The following ACACA variants were observed in gnomAD, a reference collection of about 807,000 sequenced individuals.
ACACA encodes the protein acetyl-CoA carboxylase 1.
ACACA carries 103 observed loss-of-function variants against 296.1 expected under a neutral mutation model. The ratio of observed to expected loss-of-function variants is 0.35; its 90% CI spans 0.30 to 0.41. The LOEUF (loss-of-function observed/expected upper bound fraction) is 0.41. Among genes scored for constraint, ACACA ranks in the 10% least tolerant of loss-of-function variants. ACACA has a pLI of 1.00. For synonymous variants in ACACA, 953 were observed against 1,038.6 expected, an observed-to-expected ratio of 0.92 and a Z score of 1.58; for missense variants, 1,554 against 2,989.7, an observed-to-expected ratio of 0.52 and a Z score of 11.20.
Position 37,306,861 on chromosome 17 carries a change from AT to A in ACACA, c.339-21892del, listed in dbSNP as rs569262099. Among the ~76,000 whole-genome samples the A allele has an allele frequency of 2.0e-5, 3 of 151,618 alleles. No homozygotes were observed. In the South Asian group the frequency reaches 6.3e-4, roughly 32 times the overall value. ...AGGTAAGCACCACCACACCCAGGTAATTTTTTTTGTATTTTTACTAGAGATG... is the reference window on the plus strand; with the variant it reads ...AGGTAAGCACCACCACACCCAGGTAATTTTTTTGTATTTTTACTAGAGATG... On this transcript the variant is annotated intron_variant, in intron 3 of 55. Transcript: ENST00000616317.
At position 37,391,513 on chromosome 17, in the gene ACACA, G is replaced by A. The variant is rs1345460895; in HGVS notation, c.38+14749C>T. 9 of 749,320 alleles carry A rather than the reference G, an allele frequency of 1.2e-5. No individual in the cohort carries two copies. In the East Asian group the frequency reaches 1.5e-4, roughly 12 times the overall value. The allele number at this position is 749,320 out of a possible 1,614,324, so 46.4% of individuals were successfully genotyped here. A position where few individuals can be genotyped will look rare whatever the true frequency, so the allele number is the denominator to read the frequency against. ...ATCATACTTTCTCAGTGTAATTATC[G>A]ATTAACAAAGAGGCAAAATGAAGTG... On this transcript the variant is annotated intron_variant, in intron 1 of 55. Transcript: ENST00000616317.
chr17:37,257,041 A>AG (rs2081259390), intron 14 of ACACA, among the ~76,000 whole-genome samples: 1 of 152,160 alleles, frequency 6.6e-6, no homozygotes, highest in African/African-American at 2.4e-5. Context: ...CCTATGTTTT[A>AG]GGCAAGCAAA....
chr17:37,206,103 A>T (rs1279494756), intron 32 of ACACA, among the ~76,000 whole-genome samples: 2 of 152,210 alleles, frequency 1.3e-5, no homozygotes, highest in African/African-American at 4.8e-5. Flanking sequence ...GGCATTAGTA[A>T]CAGGTGGCCC....
chr17:37,368,934 A>G (rs1207801158), intron 1 of ACACA, among the ~76,000 whole-genome samples: 3 of 152,320 alleles, frequency 2.0e-5, no homozygotes, highest in South Asian at 4.1e-4. Flanking sequence ...TACATACCCT[A>G]CATACCCTAT....
intron 45 of ACACA, chr17:37,143,738 TCTTC>T: frequency 1.1e-6 from 1 of 914,624 alleles, no homozygotes; most frequent in Non-Finnish European, 1.8e-6. Flanking sequence ...ATCTTCCTCA[TCTTC>T]CTTGTTTTTC....
At chr17:37,141,389 TCCACGG>T in intron 45 of ACACA, 1 of 331,310 alleles carries the variant, frequency 3.0e-6, no homozygotes, top group South Asian at 2.9e-5. Flanking sequence ...TGCCAAAGGT[TCCACGG>T]TTCCCCATCT....
At chr17:37,161,447 T>C (rs571084729) in intron 42 of ACACA, among the ~76,000 whole-genome samples, 19 of 152,326 alleles carry the variant, frequency 1.2e-4, no homozygotes, top group East Asian at 1.2e-3. Flanking sequence ...TTGTTGATAA[T>C]TGACCGTAAG....
chr17:37,321,898 C>T (rs1175287841), intron 3 of ACACA, among the ~76,000 whole-genome samples: 5 of 148,386 alleles, frequency 3.4e-5, no homozygotes, highest in African/African-American at 1.0e-4. Flanking sequence ...AAGCCGAGAT[C>T]GTGCCACTGC....
At chr17:37,331,191 C>G (rs1344122883) in intron 2 of ACACA, among the ~76,000 whole-genome samples, 1 of 151,678 alleles carries the variant, frequency 6.6e-6, no homozygotes, top group African/African-American at 2.4e-5. Flanking sequence ...GACTGCCACT[C>G]ACTGCAAGCT....
chr17:37,173,275 A>G (rs1441435121), intron 41 of ACACA, among the ~76,000 whole-genome samples: 1 of 152,200 alleles, frequency 6.6e-6, no homozygotes, highest in African/African-American at 2.4e-5. Context: ...AACCCAAGCA[A>G]TTCCTTTGAG....
intron 1 of ACACA, among the ~76,000 whole-genome samples, chr17:37,390,254 TATATATAATTATATATA>T (rs1224588021): frequency 3.0e-4 from 9 of 30,018 alleles, no homozygotes; most frequent in South Asian, 2.4e-3. Flanking sequence ...ATATATATAT[TATATATAATTATATATA>T]ATATATTATA....
intron 43 of ACACA, among the ~76,000 whole-genome samples, chr17:37,152,453 T>C (rs1180169120): frequency 1.3e-5 from 2 of 152,182 alleles, no homozygotes; most frequent in Non-Finnish European, 2.9e-5. Flanking sequence ...TAAGGTAGGA[T>C]GAAGCAAAGG....
At chr17:37,138,988 G>A (rs2075444922) in intron 45 of ACACA, among the ~76,000 whole-genome samples, 1 of 152,104 alleles carries the variant, frequency 6.6e-6, no homozygotes, top group African/African-American at 2.4e-5. Context: ...CAACTAGGGG[G>A]CAGGGGTGAT....
At chr17:37,389,432 C>A in intron 1 of ACACA, 3 of 1,527,292 alleles carry the variant, frequency 2.0e-6, no homozygotes, top group Non-Finnish European at 1.8e-6. Flanking sequence ...CGTGGTGGCT[C>A]ACACCTCTAT....
In ACACA at chr17:37,365,147, C is replaced by CA. The variant is rs566603312; in HGVS notation, c.39-25298dup. Among the ~76,000 whole-genome samples the CA allele has an allele frequency of 8.7e-4, 132 of 152,192 alleles. 1 individual carries two copies. Among genetic ancestry groups the CA allele is most frequent in the African/African-American group, 3.1e-3 (129 of 41,538 alleles). On this transcript the variant is annotated intron_variant, in intron 1 of 55. Coordinates refer to ENST00000616317, the MANE Select transcript of ACACA (RefSeq NM_198834.3). ...CCAATTTTTGTATTTCCGGCAGAGA[C>CA]AGAGTCTCACTATATTGGCCAGGCT...
chr17:37,094,583 C>CA (rs1491585956), intron 54 of ACACA, among the ~76,000 whole-genome samples: 13 of 142,068 alleles, frequency 9.2e-5, no homozygotes, highest in Admixed American at 6.3e-4. Context: ...CCCCCCCCCC[C>CA]CCACACCAAA....
intron 1 of ACACA, among the ~76,000 whole-genome samples, chr17:37,383,856 C>G (rs1284950300): frequency 1.3e-5 from 2 of 152,154 alleles, no homozygotes; most frequent in African/African-American, 4.8e-5. Flanking sequence ...TGGTCCAAAA[C>G]AACCAATTTA....
chr17:37,343,292 T>C (rs2048469600), intron 1 of ACACA, among the ~76,000 whole-genome samples: 1 of 152,146 alleles, frequency 6.6e-6, no homozygotes, highest in African/African-American at 2.4e-5. Context: ...GATATTTTTC[T>C]AAATAAATAC....
chr17:37,165,845 T>A (rs2076645395), intron 41 of ACACA, among the ~76,000 whole-genome samples: 4 of 152,020 alleles, frequency 2.6e-5, no homozygotes, highest in South Asian at 2.1e-4. Flanking sequence ...TCGGCCAATT[T>A]TTGCATTTTT....
Sources: gnomAD v4.1 joint callset for allele counts (sites outside exome capture counted in the v4.1 genomes callset) on GRCh38, gnomAD v4.1.1 for gene constraint, MANE v1.5 for transcripts, NCBI Gene and HGNC (gene_info 2026-07-23, HGNC 2026-07-21) for gene names.